VMP1: variants seen among roughly 807,000 people sequenced by gnomAD.
VMP1 encodes vacuole membrane protein 1, also known as ectopic P-granules autophagy protein 3 homolog.
In VMP1, 11 loss-of-function variants were observed where a neutral mutation model predicts 56.0. The observed-to-expected ratio is 0.20, with a 90% confidence interval of 0.12 to 0.32. The LOEUF (loss-of-function observed/expected upper bound fraction) is 0.32, where lower values mean the gene tolerates loss of function less well. Among genes scored for constraint, VMP1 ranks in the 10% least tolerant of loss-of-function variants. The pLI is 1.00. For missense variants in VMP1, 296 were observed against 490.3 expected (o/e 0.60, Z 3.74); for synonymous variants, 149 against 165.0 (o/e 0.90, Z 0.74).
At chr17:59,837,006 C>G (rs985341849) in intron 10 of VMP1, among the ~76,000 whole-genome samples, 14 of 151,700 alleles carry the variant, frequency 9.2e-5, no homozygotes, top group Non-Finnish European at 1.9e-4. Flanking sequence ...TCAAGACCAG[C>G]CTGGCAAAGA....
chr17:59,780,659 T>C (rs754587511), intron 7 of VMP1, among the ~76,000 whole-genome samples: 2 of 152,204 alleles, frequency 1.3e-5, no homozygotes, highest in Non-Finnish European at 2.9e-5. Flanking sequence ...CCATCTCAGC[T>C]GACTGCAACC....
intron 5 of VMP1, among the ~76,000 whole-genome samples, chr17:59,747,890 G>A (rs1341456318): frequency 1.3e-5 from 2 of 150,608 alleles, no homozygotes; most frequent in Non-Finnish European, 3.0e-5. Context: ...GCGAAACCCT[G>A]TCTCTTAAAA....
chr17:59,835,648 G>A (rs1035344175), intron 10 of VMP1, among the ~76,000 whole-genome samples: 12 of 150,864 alleles, frequency 8.0e-5, no homozygotes, highest in South Asian at 2.1e-4. Context: ...GTGCCACCAC[G>A]CCTGGCTAAT....
Position 59,839,991 on chromosome 17 carries a change from A to G in VMP1, c.*80A>G. ...GGGAGGACTCCAAGCCGGGAAGGAA[A>G]ATTCCCTTTTCCAACCTGTATCAAT... is the stretch of plus-strand genomic sequence containing the variant. On this transcript the variant is annotated 3_prime_UTR_variant, in exon 12 of 12. Transcript: ENST00000262291. 1 of 1,555,746 alleles carries G rather than the reference A, an allele frequency of 6.4e-7. No individual in the cohort carries two copies. Among genetic ancestry groups the G allele is most frequent in the South Asian group, 1.2e-5 (1 of 83,296 alleles).
intron 5 of VMP1, among the ~76,000 whole-genome samples, chr17:59,752,143 G>C (rs149815598): frequency 1.0e-3 from 152 of 152,322 alleles, no homozygotes; most frequent in African/African-American, 3.5e-3. Flanking sequence ...CAGATCCGTA[G>C]CTATTTACAC....
At chr17:59,745,826 AAC>A (rs894451818) in intron 5 of VMP1, among the ~76,000 whole-genome samples, 4 of 152,354 alleles carry the variant, frequency 2.6e-5, no homozygotes, top group African/African-American at 9.6e-5. Context: ...TCCTTTTGAT[AAC>A]AGTTTGTGGT....
intron 10 of VMP1, among the ~76,000 whole-genome samples, chr17:59,820,186 C>G: frequency 6.6e-6 from 1 of 152,144 alleles, no homozygotes; most frequent in East Asian, 1.9e-4. Flanking sequence ...TATAAGCCCT[C>G]TCTGTGTTAT....
Position 59,764,486 on chromosome 17 carries a change from G to A in VMP1, c.415-485G>A, listed in dbSNP as rs187858291. 8.9e-4 allele frequency among the ~76,000 whole-genome samples: 135 copies of A among 152,242 alleles called. 1 individual carries two copies. The highest frequency in any genetic ancestry group is 8.4e-4 in the Non-Finnish European group (57 of 68,016). ...CTACAGGCACATGCCACAATGCATG[G>A]CTAATTTTTTAAATTTTTGTAGAGA... On this transcript the variant is annotated intron_variant, in intron 5 of 11. Transcript: ENST00000262291.
At chr17:59,824,872 CAAAAAAAAAAAA>C (rs1204824277) in intron 10 of VMP1, among the ~76,000 whole-genome samples, 3 of 62,998 alleles carry the variant, frequency 4.8e-5, no homozygotes. Flanking sequence ...GACTCCGTCT[CAAAAAAAAAAAA>C]AAAAAAAAAA....
At position 59,838,402 on chromosome 17, in the gene VMP1, G is replaced by A. The variant is rs745793895; in HGVS notation, c.1077+5G>A. 1.2e-6 allele frequency: 2 copies of A among 1,613,912 alleles called. No homozygotes were observed. Among genetic ancestry groups the A allele is most frequent in the Non-Finnish European group, 1.7e-6 (2 of 1,179,940 alleles). On this transcript the variant is annotated splice_donor_5th_base_variant and intron_variant, in intron 11 of 11. Transcript: ENST00000262291. ...AGCGAAATGGGCACACCACAGGTAA[G>A]ACTTTAATCCGGTTTCTTCTCCCCT...
At position 59,842,188 on chromosome 17, in the gene VMP1, G is replaced by A. The variant is rs538017437; in HGVS notation, c.*2277G>A. The A allele has an allele frequency of 1.3e-5, 2 of 152,280 alleles. No individual in the cohort carries two copies. The highest frequency in any genetic ancestry group is 6.5e-5 in the Admixed American group (1 of 15,280). 9.4% of individuals were successfully genotyped at this position (152,280 alleles called of 1,614,324 possible). A position where few individuals can be genotyped will look rare whatever the true frequency, so the allele number is the denominator to read the frequency against. On this transcript the variant is annotated 3_prime_UTR_variant, in exon 12 of 12. Transcript: ENST00000262291. ...CAGCTGATGGGAGACCAAAGAATTT[G>A]CAAGTGGATGGTTTGGTATCACTGT...
At chr17:59,766,373 G>A (rs914920210) in intron 6 of VMP1, among the ~76,000 whole-genome samples, 5 of 152,014 alleles carry the variant, frequency 3.3e-5, no homozygotes, top group Admixed American at 6.6e-5. Flanking sequence ...GCGTGGTGGC[G>A]CATACCTGTC....
intron 7 of VMP1, among the ~76,000 whole-genome samples, chr17:59,801,071 C>T (rs2037624807): frequency 7.8e-6 from 1 of 128,550 alleles, no homozygotes. Context: ...CAGAGCAAGA[C>T]TCCATCTCGA....
chr17:59,756,914 C>G (rs560188299), intron 5 of VMP1, among the ~76,000 whole-genome samples: 1 of 152,194 alleles, frequency 6.6e-6, no homozygotes, highest in African/African-American at 2.4e-5. Flanking sequence ...TGAGTATAAC[C>G]TTTTCAGTCC....
intron 10 of VMP1, among the ~76,000 whole-genome samples, chr17:59,835,840 A>G (rs1056855971): frequency 6.7e-6 from 1 of 148,836 alleles, no homozygotes; most frequent in Non-Finnish European, 1.5e-5. Flanking sequence ...ATATTTATAT[A>G]CACAAAAATA....
chr17:59,714,943 A>C (rs142887123), intron 1 of VMP1, among the ~76,000 whole-genome samples: 1 of 152,080 alleles, frequency 6.6e-6, no homozygotes, highest in Non-Finnish European at 1.5e-5. Context: ...TGGCATCCCA[A>C]TGTGCTGGGA....
rs910809718 is a variant in VMP1 at position 59,710,998 on chromosome 17, G to A, written c.-27+3250G>A. Among the ~76,000 whole-genome samples the A allele has an allele frequency of 3.3e-5, 5 of 152,030 alleles. No homozygotes were observed. In the South Asian group the frequency reaches 1.0e-3, roughly 32 times the overall value. On this transcript the variant is annotated intron_variant, in intron 1 of 11. Transcript: ENST00000262291. ...TGAGGCATGAGAATCGTTTGAACCC[G>A]GGAGGCGGAGGTTGCAGTGAGCCGA...
intron 6 of VMP1, among the ~76,000 whole-genome samples, chr17:59,767,803 G>A (rs934679742): frequency 2.0e-5 from 3 of 152,170 alleles, no homozygotes; most frequent in Admixed American, 1.3e-4. Flanking sequence ...TACCTTAAAA[G>A]TATTAGCATC....
intron 1 of VMP1, among the ~76,000 whole-genome samples, chr17:59,712,095 G>T (rs1158169979): frequency 6.6e-6 from 1 of 152,086 alleles, no homozygotes; most frequent in East Asian, 1.9e-4. Context: ...GAATGAATAG[G>T]TTTAAATAAA....
Sources: allele counts gnomAD v4.1 joint callset (sites outside exome capture counted in the v4.1 genomes callset), GRCh38; gene constraint gnomAD v4.1.1; transcripts MANE v1.5; gene names NCBI Gene and HGNC (gene_info 2026-07-23, HGNC 2026-07-21).